Variants in PDE8A observed in about 807,000 individuals in gnomAD.
PDE8A encodes the protein phosphodiesterase 8A.
PDE8A carries 59 observed loss-of-function variants against 105.0 expected under a neutral mutation model. The ratio of observed to expected loss-of-function variants is 0.56; its 90% CI spans 0.46 to 0.70. PDE8A has a LOEUF of 0.70. PDE8A is among the 30% of genes least tolerant of loss of function. The probability of loss-of-function intolerance (pLI) is 0.00; values close to 1 mark genes in which losing one functional copy is unlikely to be tolerated. For missense variants in PDE8A, 1,014 were observed against 1,045.9 expected, an observed-to-expected ratio of 0.97 and a Z score of 0.42; for synonymous variants, 355 against 371.9, an observed-to-expected ratio of 0.95 and a Z score of 0.52.
intron 5 of PDE8A, among the ~76,000 whole-genome samples, chr15:85,078,605 C>T (rs554008136): frequency 1.9e-3 from 277 of 148,518 alleles, no homozygotes; most frequent in Non-Finnish European, 3.4e-3. Context: ...GAATTTTATA[C>T]CTAGCATACA....
chr15:85,049,056 C>T (rs191442510), intron 1 of PDE8A, among the ~76,000 whole-genome samples: 11 of 152,070 alleles, frequency 7.2e-5, no homozygotes, highest in South Asian at 2.1e-4. Context: ...GAGCTGAGAT[C>T]GCGCCACTGC....
intron 19 of PDE8A, among the ~76,000 whole-genome samples, chr15:85,124,668 T>C (rs953199184): frequency 6.6e-6 from 1 of 152,212 alleles, no homozygotes; most frequent in African/African-American, 2.4e-5. Context: ...TTTCCTGTTC[T>C]CTCAATTTGT....
rs1006681613 is a variant in PDE8A, at chr15:85,113,960, A to G, written c.1273A>G (p.Thr425Ala). 6.2e-7 allele frequency: 1 copy of G among 1,613,594 alleles called. No homozygotes were observed. The highest frequency in any genetic ancestry group is 1.3e-5 in the African/African-American group (1 of 74,934). The change falls in exon 14 of 22, where the codon ACT becomes GCT. Residue 425 changes from threonine (T) to alanine (A), a missense_variant. By Grantham distance (58) the Thr-to-Ala change is moderately conservative. Coordinates refer to ENST00000394553, the MANE Select transcript of PDE8A (RefSeq NM_002605.3). Reference sequence around the variant, plus strand: ...CCGTGTGCTGGAAATTCTAAGAACCACTGAGTTATATTCACCACAGTTTGG... The same window carrying G: ...CCGTGTGCTGGAAATTCTAAGAACCGCTGAGTTATATTCACCACAGTTTGG... Reference protein sequence around the residue: ...LDRVLEILRTTELYSPQFGAK... With the variant: ...LDRVLEILRTAELYSPQFGAK...
chr15:85,097,037 A>G (rs945638190), intron 8 of PDE8A, among the ~76,000 whole-genome samples: 8 of 152,132 alleles, frequency 5.3e-5, no homozygotes, highest in African/African-American at 1.9e-4. Flanking sequence ...CAAGGCTGCC[A>G]TGGTGCTTAA....
intron 20 of PDE8A, among the ~76,000 whole-genome samples, chr15:85,134,683 C>T (rs1431542225): frequency 6.6e-6 from 1 of 152,240 alleles, no homozygotes; most frequent in Non-Finnish European, 1.5e-5. Context: ...TCAACACTTA[C>T]CTAGCATACA....
chr15:85,123,181 A>T lies in PDE8A; in HGVS notation c.2073A>T (p.Leu691=). 6.2e-7 allele frequency: 1 copy of T among 1,613,990 alleles called. No homozygotes were observed. Among genetic ancestry groups the T allele is most frequent in the Non-Finnish European group, 8.5e-7 (1 of 1,179,898 alleles). The change falls in exon 19 of 22, where the codon CTA becomes CTT. Residue 691 remains leucine, a synonymous_variant. Transcript: ENST00000394553. ...GCATCAACAAACCCTTGGCAACACT[A>T]GAAGAAAATGGGGTAAGGGAAACTT... is the stretch of plus-strand genomic sequence containing the variant. ...VNSINKPLAT[L]EENGETDKNQ...
chr15:85,118,917 C>T (rs2082137537), intron 17 of PDE8A, among the ~76,000 whole-genome samples: 1 of 152,218 alleles, frequency 6.6e-6, no homozygotes, highest in Admixed American at 6.5e-5. Context: ...GGTAAACCTT[C>T]TCAGAACTTT....
At chr15:84,996,347 T>C (rs1305273579) in intron 1 of PDE8A, among the ~76,000 whole-genome samples, 1 of 151,924 alleles carries the variant, frequency 6.6e-6, no homozygotes, top group Non-Finnish European at 1.5e-5. Context: ...CTGGCCGATT[T>C]TTAAAATTTT....
At chr15:85,014,547 C>T (rs1054681960) in intron 1 of PDE8A, among the ~76,000 whole-genome samples, 48 of 152,166 alleles carry the variant, frequency 3.2e-4, no homozygotes, top group African/African-American at 1.1e-3. Context: ...CCAAAGGGGA[C>T]CTGTTAAATG....
intron 1 of PDE8A, among the ~76,000 whole-genome samples, chr15:85,052,568 G>A (rs1398732656): frequency 1.3e-5 from 2 of 152,132 alleles, no homozygotes; most frequent in African/African-American, 2.4e-5. Context: ...TTTCTCTGAC[G>A]GCCAGTGATG....
At chr15:85,104,332 G>C (rs922031609) in intron 11 of PDE8A, among the ~76,000 whole-genome samples, 2 of 152,170 alleles carry the variant, frequency 1.3e-5, no homozygotes, top group Non-Finnish European at 2.9e-5. Flanking sequence ...GGGTCATGCA[G>C]AGGACAAGAT....
At chr15:85,055,129 A>C (rs1473421697) in intron 1 of PDE8A, among the ~76,000 whole-genome samples, 3 of 151,982 alleles carry the variant, frequency 2.0e-5, no homozygotes, top group Admixed American at 2.0e-4. Flanking sequence ...GTTTTGAGTG[A>C]GTTTCTTAAT....
rs564051361 is a variant in PDE8A, at chr15:85,002,391, G to A, written c.186+20043G>A. Among the ~76,000 whole-genome samples, 5 of 152,322 alleles carry A rather than the reference G, an allele frequency of 3.3e-5. No individual in the cohort carries two copies. The South Asian group carries it at 6.2e-4, about 19-fold the overall frequency. On this transcript the variant is annotated intron_variant, in intron 1 of 21. Coordinates refer to ENST00000394553, the MANE Select transcript of PDE8A (RefSeq NM_002605.3). ...CAAATGAACAGACAGACAAAGAGGT[G>A]ATACACAGGGCTAGGTCTAGAGGGT...
At chr15:85,064,878 G>T (rs4980357) in intron 2 of PDE8A, among the ~76,000 whole-genome samples, 31,386 of 151,874 alleles carry the variant, frequency 0.21, 4,264 homozygotes, top group Middle Eastern at 0.33. Context: ...AGGCTGAGAT[G>T]GGAGAATCAC....
At chr15:84,991,922 A>C (rs1315043104) in intron 1 of PDE8A, among the ~76,000 whole-genome samples, 3 of 152,216 alleles carry the variant, frequency 2.0e-5, no homozygotes, top group South Asian at 2.1e-4. Context: ...CCGAGGCAGG[A>C]GGATTACTTG....
intron 1 of PDE8A, among the ~76,000 whole-genome samples, chr15:85,033,287 T>C (rs1435044626): frequency 6.6e-6 from 1 of 152,156 alleles, no homozygotes; most frequent in African/African-American, 2.4e-5. Context: ...TGGCAGGAGC[T>C]TCCCTGCAGT....
chr15:85,033,264 G>A (rs1260883433), intron 1 of PDE8A, among the ~76,000 whole-genome samples: 3 of 152,186 alleles, frequency 2.0e-5, no homozygotes, highest in Admixed American at 6.5e-5. Context: ...GTGGAAATGA[G>A]CACACAAGCT....
chr15:85,083,693 G>A (rs780673546), intron 6 of PDE8A, 49 bp downstream of exon 6: 77 of 1,175,518 alleles, frequency 6.6e-5, no homozygotes, highest in Non-Finnish European at 3.8e-5. Flanking sequence ...AGGGCAGCAT[G>A]GCAAGTGAGA....
intron 1 of PDE8A, among the ~76,000 whole-genome samples, chr15:85,002,608 C>T (rs568944352): frequency 6.6e-6 from 1 of 152,370 alleles, no homozygotes; most frequent in East Asian, 1.9e-4. Context: ...CCCATTTCCT[C>T]TCCACTTGAT....
Sources: gnomAD v4.1 joint callset for allele counts (sites outside exome capture counted in the v4.1 genomes callset) on GRCh38, gnomAD v4.1.1 for gene constraint, MANE v1.5 for transcripts, NCBI Gene and HGNC (gene_info 2026-07-23, HGNC 2026-07-21) for gene names.